The following PCBD2 variants were observed in gnomAD, a reference collection of about 807,000 sequenced individuals.
PCBD2 encodes the protein pterin-4-alpha-carbinolamine dehydratase 2.
Under a neutral mutation model 16.4 loss-of-function variants are expected in PCBD2, and 12 were observed. The observed-to-expected ratio is 0.73, with a 90% confidence interval of 0.47 to 1.19. PCBD2 has a LOEUF of 1.19. Ranked by LOEUF, PCBD2 falls within the 50% of genes most tolerant of loss-of-function variation. PCBD2 has a pLI of 0.00. For missense variants in PCBD2, 138 were observed against 156.8 expected (o/e 0.88, Z 0.64); for synonymous variants, 58 against 61.8 (o/e 0.94, Z 0.29).
chr5:134,942,677 G>A (rs1751243714), intron 2 of PCBD2, among the ~76,000 whole-genome samples: 1 of 152,090 alleles, frequency 6.6e-6, no homozygotes, highest in African/African-American at 2.4e-5. Flanking sequence ...GAGATATCCT[G>A]TTCCTTGTGT....
intron 2 of PCBD2, among the ~76,000 whole-genome samples, chr5:134,918,066 G>C (rs1750854226): frequency 6.6e-6 from 1 of 152,140 alleles, no homozygotes; most frequent in Non-Finnish European, 1.5e-5. Flanking sequence ...AATTAGTTTG[G>C]GTTTGATTGT....
At chr5:134,958,759 G>A (rs1157404717) in intron 2 of PCBD2, among the ~76,000 whole-genome samples, 5 of 152,184 alleles carry the variant, frequency 3.3e-5, no homozygotes, top group African/African-American at 4.8e-5. Flanking sequence ...GTAGAGTCTT[G>A]TCCTGAGGAC....
At chr5:134,939,929 A>T (rs972843787) in intron 2 of PCBD2, among the ~76,000 whole-genome samples, 52 of 146,026 alleles carry the variant, frequency 3.6e-4, no homozygotes, top group Admixed American at 6.9e-4. Flanking sequence ...GTAATAAGAA[A>T]TTTTTTTTTT....
intron 2 of PCBD2, among the ~76,000 whole-genome samples, chr5:134,931,636 A>G (rs1751096718): frequency 6.6e-6 from 1 of 152,246 alleles, no homozygotes; most frequent in Non-Finnish European, 1.5e-5. Flanking sequence ...TTCCAAGGCC[A>G]GATATCCCAC....
intron 2 of PCBD2, chr5:134,928,057 T>TA (rs1678789290): frequency 2.5e-6 from 1 of 394,508 alleles, no homozygotes; most frequent in African/African-American, 2.1e-5. Flanking sequence ...TTAGGTTATG[T>TA]ACGTAGTCTA....
intron 2 of PCBD2, chr5:134,927,387 G>T: frequency 2.5e-6 from 1 of 398,370 alleles, no homozygotes; most frequent in South Asian, 1.3e-4. Flanking sequence ...ATGGGCTTTA[G>T]GGAGCCATAG....
intron 2 of PCBD2, among the ~76,000 whole-genome samples, chr5:134,953,905 T>C (rs1398769698): frequency 6.6e-6 from 1 of 152,180 alleles, no homozygotes; most frequent in Admixed American, 6.6e-5. Context: ...CTACTTTTTG[T>C]TCACTGTTTA....
At chr5:134,914,165 A>G (rs1486376375) in intron 2 of PCBD2, among the ~76,000 whole-genome samples, 3 of 152,118 alleles carry the variant, frequency 2.0e-5, no homozygotes, top group African/African-American at 7.2e-5. Flanking sequence ...CAGCGATGAT[A>G]TGTCCATTGT....
intron 2 of PCBD2, chr5:134,924,803 G>A (rs1315665703): frequency 2.0e-5 from 8 of 393,134 alleles, no homozygotes; most frequent in Middle Eastern, 6.3e-4. Flanking sequence ...GCCAGGTCTA[G>A]GAGGAGTAGG....
intron 2 of PCBD2, among the ~76,000 whole-genome samples, chr5:134,918,965 G>A (rs558289697): frequency 3.3e-5 from 5 of 152,294 alleles, no homozygotes; most frequent in East Asian, 3.9e-4. Flanking sequence ...TTGTAAAAGC[G>A]CATGCAACAG....
intron 1 of PCBD2, 155 bp downstream of exon 1, chr5:134,905,378 C>T (rs186409620): frequency 5.2e-6 from 3 of 574,472 alleles, no homozygotes; most frequent in Admixed American, 4.5e-5. Context: ...CGGGACTGAC[C>T]ACCTGTCCGG....
intron 3 of PCBD2, 30 bp downstream of exon 3, chr5:134,959,150 C>G (rs781351557): frequency 6.6e-7 from 1 of 1,504,388 alleles, no homozygotes; most frequent in Non-Finnish European, 9.2e-7. Flanking sequence ...TGGGAATCAC[C>G]TTAATTATGG....
chr5:134,931,071 C>T (rs556978492), intron 2 of PCBD2, among the ~76,000 whole-genome samples: 2 of 152,242 alleles, frequency 1.3e-5, no homozygotes, highest in African/African-American at 4.8e-5. Flanking sequence ...GCACCCACCA[C>T]CATGCCCGGC....
chr5:134,931,022 A>G (rs1045138809), intron 2 of PCBD2, among the ~76,000 whole-genome samples: 1 of 151,976 alleles, frequency 6.6e-6, no homozygotes, highest in Non-Finnish European at 1.5e-5. Flanking sequence ...GGTTCACGCC[A>G]TTCTCCCACC....
chr5:134,925,272 G>A (rs978267841), intron 2 of PCBD2: 4 of 398,558 alleles, frequency 1.0e-5, no homozygotes, highest in Middle Eastern at 6.3e-4. Context: ...TTGCGGTTTC[G>A]ATGATGTGGT....
At position 134,929,644 on chromosome 5, in the gene PCBD2, C is replaced by A. The variant is rs565957624; in HGVS notation, c.216+19178C>A. Among the ~76,000 whole-genome samples, 26 of 152,206 alleles carry A rather than the reference C, an allele frequency of 1.7e-4. No homozygotes were observed. The South Asian group carries it at 2.9e-3, about 17-fold the overall frequency. On this transcript the variant is annotated intron_variant, in intron 2 of 3. Coordinates refer to ENST00000254908, the MANE Select transcript of PCBD2 (RefSeq NM_032151.5). ...CTTTTCTTTCCATTTAGAATTCATT[C>A]CTAGACTTATACTTGTTTGTGGTGT...
chr5:134,909,182 G>A (rs192364784), intron 1 of PCBD2, among the ~76,000 whole-genome samples: 5 of 152,354 alleles, frequency 3.3e-5, no homozygotes, highest in East Asian at 3.9e-4. Context: ...CCCAGGATGC[G>A]TAGAAACAGG....
intron 2 of PCBD2, among the ~76,000 whole-genome samples, chr5:134,922,767 A>G (rs893186063): frequency 4.7e-5 from 7 of 150,206 alleles, no homozygotes; most frequent in Non-Finnish European, 8.8e-5. Context: ...GGTTCACGCT[A>G]TTCTCCTGCC....
intron 2 of PCBD2, among the ~76,000 whole-genome samples, chr5:134,940,061 A>C (rs1462440646): frequency 2.6e-5 from 4 of 152,128 alleles, no homozygotes; most frequent in Non-Finnish European, 5.9e-5. Flanking sequence ...TGAGGCTGAG[A>C]GGGAGAAGTA....
Sources: allele counts gnomAD v4.1 joint callset (sites outside exome capture counted in the v4.1 genomes callset), GRCh38; gene constraint gnomAD v4.1.1; transcripts MANE v1.5; gene names NCBI Gene and HGNC (gene_info 2026-07-23, HGNC 2026-07-21).